TTC28: variants seen among roughly 807,000 people sequenced by gnomAD.
TTC28 encodes the protein tetratricopeptide repeat domain 28.
In TTC28, 61 loss-of-function variants were observed where a neutral mutation model predicts 198.0. The observed-to-expected ratio is 0.31, with a 90% CI of 0.25 to 0.38. TTC28 has a LOEUF of 0.38. Ranked by LOEUF, TTC28 falls within the 10% of genes least tolerant of loss-of-function variation. TTC28 has a pLI of 1.00. For synonymous variants in TTC28, 1,171 were observed against 1,297.8 expected, an observed-to-expected ratio of 0.90 and a Z score of 2.10; for missense variants, 2,678 against 3,164.0, an observed-to-expected ratio of 0.85 and a Z score of 3.69.
intron 13 of TTC28, among the ~76,000 whole-genome samples, chr22:28,016,846 C>T (rs1938396859): frequency 6.6e-6 from 1 of 152,238 alleles, no homozygotes; most frequent in Admixed American, 6.5e-5. Flanking sequence ...CAGAACCAAA[C>T]ACCCGGCCCA....
chr22:28,379,843 C>A (rs1234604517), intron 2 of TTC28, among the ~76,000 whole-genome samples: 5 of 152,018 alleles, frequency 3.3e-5, no homozygotes, highest in African/African-American at 1.2e-4. Context: ...CAACAGCAGG[C>A]CTTCACTACA....
intron 5 of TTC28, among the ~76,000 whole-genome samples, chr22:28,168,855 CA>C (rs1922325123): frequency 6.6e-6 from 1 of 152,058 alleles, no homozygotes; most frequent in East Asian, 1.9e-4. Context: ...TTCTGCACAG[CA>C]AAAGAAACTA....
At chr22:28,262,210 G>A (rs1353590551) in intron 5 of TTC28, among the ~76,000 whole-genome samples, 1 of 152,008 alleles carries the variant, frequency 6.6e-6, no homozygotes, top group Non-Finnish European at 1.5e-5. Flanking sequence ...TAAAAGTTAA[G>A]GTCATCAGTT....
chr22:28,332,931 A>G (rs2045639620), intron 2 of TTC28, among the ~76,000 whole-genome samples: 1 of 152,212 alleles, frequency 6.6e-6, no homozygotes, highest in East Asian at 1.9e-4. Flanking sequence ...ATTTCACTGG[A>G]AGAGTATACC....
chr22:28,594,907 T>C (rs578252259), intron 2 of TTC28, among the ~76,000 whole-genome samples: 1 of 152,304 alleles, frequency 6.6e-6, no homozygotes, highest in South Asian at 2.1e-4. Flanking sequence ...CTTCTTGGTA[T>C]ACTACTGCCT....
At chr22:28,318,224 A>G (rs5997355) in intron 2 of TTC28, among the ~76,000 whole-genome samples, 32,681 of 151,708 alleles carry the variant, frequency 0.22, 6,183 homozygotes, top group African/African-American at 0.52. Context: ...CACTGCTTTC[A>G]TCATCCCCAT....
chr22:28,107,003 C>T, intron 7 of TTC28, 59 bp downstream of exon 7: 6 of 1,484,526 alleles, frequency 4.0e-6, no homozygotes. Context: ...GTTGCCTTTA[C>T]TGCCACAAAT....
chr22:28,217,094 T>C (rs1157400513), intron 5 of TTC28, among the ~76,000 whole-genome samples: 6 of 152,074 alleles, frequency 3.9e-5, no homozygotes. Context: ...CCCTCAGATA[T>C]AGGCAAGAGA....
intron 5 of TTC28, among the ~76,000 whole-genome samples, chr22:28,192,034 C>T (rs541971831): frequency 6.6e-6 from 1 of 152,286 alleles, no homozygotes; most frequent in African/African-American, 2.4e-5. Context: ...CTGGGAGGCA[C>T]CCCCCAGTAG....
chr22:28,463,869 C>A (rs976044656), intron 2 of TTC28, among the ~76,000 whole-genome samples: 10 of 152,022 alleles, frequency 6.6e-5, no homozygotes, highest in African/African-American at 2.4e-4. Flanking sequence ...ATGTAACAAA[C>A]CTGCACGTTG....
chr22:27,982,176 C>T lies in TTC28; in HGVS notation c.*45G>A, dbSNP rs147623556. ...GGGAAGGGCTGAAGCAAACGCCAGG[C>T]CCCCATCTGCAGGCTGCTCAGAGTC... On this transcript the variant is annotated 3_prime_UTR_variant, in exon 23 of 23. Transcript: ENST00000397906. The surrounding 1 kb of genome is among the most constrained non-coding windows in gnomAD (Gnocchi z 5.2). The T allele has an allele frequency of 1.3e-3, 1,877 of 1,451,178 alleles. 21 individuals carry two copies. In the African/African-American group the frequency reaches 0.024, roughly 19 times the overall value. 89.9% of individuals were successfully genotyped at this position (1,451,178 alleles called of 1,614,324 possible). A position where few individuals can be genotyped will look rare whatever the true frequency, so the allele number is the denominator to read the frequency against.
At chr22:28,020,196 C>T (rs922817139) in intron 13 of TTC28, among the ~76,000 whole-genome samples, 7 of 152,220 alleles carry the variant, frequency 4.6e-5, no homozygotes, top group Admixed American at 1.3e-4. Context: ...TGCACCACCC[C>T]GGGGCTCCAG....
intron 2 of TTC28, among the ~76,000 whole-genome samples, chr22:28,333,687 A>T (rs2045653195): frequency 6.6e-6 from 1 of 152,108 alleles, no homozygotes; most frequent in African/African-American, 2.4e-5. Context: ...TCCAAATGAC[A>T]TTTAATTTAA....
intron 1 of TTC28, among the ~76,000 whole-genome samples, chr22:28,675,326 G>A (rs1340460246): frequency 1.3e-5 from 2 of 152,102 alleles, no homozygotes; most frequent in Admixed American, 1.3e-4. Context: ...GTAAATCATA[G>A]GGCTAAATCT....
At chr22:28,187,988 G>C (rs1027683749) in intron 5 of TTC28, among the ~76,000 whole-genome samples, 1 of 152,158 alleles carries the variant, frequency 6.6e-6, no homozygotes, top group Non-Finnish European at 1.5e-5. Flanking sequence ...TTATTCAGTT[G>C]ATGTATTCAC....
rs1256571890 is a variant in TTC28, at chr22:28,005,331, C to T, written c.4219-3778G>A. Among the ~76,000 whole-genome samples the T allele has an allele frequency of 6.6e-6, 1 of 152,188 alleles. No individual in the cohort carries two copies. The highest frequency in any genetic ancestry group is 2.4e-5 in the African/African-American group (1 of 41,440). On this transcript the variant is annotated intron_variant, in intron 14 of 22. Transcript: ENST00000397906. This position sits in a 1 kb window ranked among gnomAD's most constrained non-coding sequence, Gnocchi z 4.9. ...TGGGGCACGGTGATGACAGGGGTTC[C>T]GTGAAGGTGCAGTCTTTGTACAAGG...
intron 1 of TTC28, among the ~76,000 whole-genome samples, chr22:28,641,693 T>G (rs2051368376): frequency 6.6e-6 from 1 of 151,966 alleles, no homozygotes; most frequent in African/African-American, 2.4e-5. Flanking sequence ...AAATGAAAAC[T>G]GAGGGAATTA....
At chr22:28,386,789 C>T (rs2046606023) in intron 2 of TTC28, among the ~76,000 whole-genome samples, 1 of 152,036 alleles carries the variant, frequency 6.6e-6, no homozygotes, top group African/African-American at 2.4e-5. Flanking sequence ...AAACTTTCAT[C>T]ATTTAACTTT....
At chr22:28,475,149 CAAAAAAAAAAAAA>C (rs386395148) in intron 2 of TTC28, among the ~76,000 whole-genome samples, 10 of 64,998 alleles carry the variant, frequency 1.5e-4, no homozygotes, top group Non-Finnish European at 2.8e-4. Flanking sequence ...GACTCCATCT[CAAAAAAAAAAAAA>C]AAAAAAAAAA....
Sources: gnomAD v4.1 joint callset for allele counts (sites outside exome capture counted in the v4.1 genomes callset) on GRCh38, gnomAD v4.1.1 for gene constraint, Gnocchi (gnomAD v3.1) non-coding constraint, MANE v1.5 for transcripts, NCBI Gene and HGNC (gene_info 2026-07-23, HGNC 2026-07-21) for gene names.